FBXO42: variants seen among roughly 807,000 people sequenced by gnomAD.
The protein encoded by FBXO42 is F-box only protein 42.
FBXO42 carries 12 observed loss-of-function variants against 71.7 expected under a neutral mutation model. The ratio of observed to expected loss-of-function variants is 0.17; its 90% CI spans 0.11 to 0.27. The LOEUF is 0.27. Ranked by LOEUF, FBXO42 falls within the 10% of genes least tolerant of loss-of-function variation. The probability of loss-of-function intolerance (pLI) is 1.00; values close to 1 mark genes in which losing one functional copy is unlikely to be tolerated. For missense variants in FBXO42, 707 were observed against 911.9 expected (o/e 0.78, Z 2.89); for synonymous variants, 325 against 327.5 (o/e 0.99, Z 0.08).
At chr1:16,299,511 A>G (rs1373287091) in intron 3 of FBXO42, among the ~76,000 whole-genome samples, 2 of 152,214 alleles carry the variant, frequency 1.3e-5, no homozygotes, top group Non-Finnish European at 2.9e-5. Context: ...AGTTTCACAC[A>G]CTACTGTATT....
intron 4 of FBXO42, among the ~76,000 whole-genome samples, chr1:16,271,032 T>C (rs1356468463): frequency 6.6e-6 from 1 of 151,560 alleles, no homozygotes; most frequent in African/African-American, 2.4e-5. Flanking sequence ...GGGAGACATA[T>C]GAATAAAGAC....
chr1:16,313,043 C>T (rs2082328104), intron 2 of FBXO42, among the ~76,000 whole-genome samples: 1 of 152,064 alleles, frequency 6.6e-6, no homozygotes, highest in South Asian at 2.1e-4. Flanking sequence ...GATCCGCCCA[C>T]GTTGGCCTCC....
At chr1:16,280,768 A>T (rs1163277208) in intron 4 of FBXO42, among the ~76,000 whole-genome samples, 1 of 152,112 alleles carries the variant, frequency 6.6e-6, no homozygotes, top group Non-Finnish European at 1.5e-5. Context: ...AGTGAAACCC[A>T]GTCTCCAGAA....
chr1:16,350,166 T>C (rs535938718), intron 1 of FBXO42, among the ~76,000 whole-genome samples: 3 of 152,194 alleles, frequency 2.0e-5, no homozygotes, highest in Admixed American at 6.6e-5. Context: ...AGGTAAGGAA[T>C]TGCAAAGGTC....
rs2081601939 is a variant in FBXO42 at position 16,252,371 on chromosome 1, A to G, written c.955T>C (p.Ser319Pro). 1 of 1,614,088 alleles carries G rather than the reference A, an allele frequency of 6.2e-7. No homozygotes were observed. Among genetic ancestry groups the G allele is most frequent in the South Asian group, 1.1e-5 (1 of 91,084 alleles). Residue 319 changes from serine to proline, a missense_variant, in exon 9 of 10, where the codon TCT becomes CCT. Coordinates refer to ENST00000375592, the MANE Select transcript of FBXO42 (RefSeq NM_018994.3). This position sits in a 1 kb window ranked among gnomAD's most constrained non-coding sequence, Gnocchi z 4.4. ...FKDAWLLHMH[S>P]GPWAWQPLKV... ...AGTGGCTGCCAGGCCCAAGGACCAG[A>G]ATGCATGTGCAACAACCAAGCATCC...
chr1:16,351,172 A>G lies in FBXO42; in HGVS notation c.-18+1083T>C, dbSNP rs150042551. On this transcript the variant is annotated intron_variant, in intron 1 of 9. Transcript: ENST00000375592. ...TACAAAAGATATTTTGGTGTGTCCA[A>G]GCAAAAGCAATCGCCTCAACAATTC... 2.7e-3 allele frequency among the ~76,000 whole-genome samples: 412 copies of G among 152,340 alleles called. 1 individual carries two copies. Among genetic ancestry groups the G allele is most frequent in the Non-Finnish European group, 4.1e-3 (281 of 68,022 alleles).
At chr1:16,330,733 G>A (rs1165624084) in intron 1 of FBXO42, among the ~76,000 whole-genome samples, 1 of 151,940 alleles carries the variant, frequency 6.6e-6, no homozygotes, top group Non-Finnish European at 1.5e-5. Context: ...CTGAGGTCAG[G>A]AGTTTGAGAC....
chr1:16,338,333 AAC>A (rs1372840118), intron 1 of FBXO42, among the ~76,000 whole-genome samples: 1 of 145,988 alleles, frequency 6.8e-6, no homozygotes, highest in African/African-American at 2.5e-5. Context: ...TAGCCTGAGG[AAC>A]AGAGTATGGC....
rs2081541587 is a variant in FBXO42 at position 16,247,092 on chromosome 1, G to A, written c.*3578C>T. ...TGACATGAACCCTGGTTGGAGGGAG[G>A]GGAGCAGAGCAAGTAGAGTGTACAA... is the stretch of plus-strand genomic sequence containing the variant. On this transcript the variant is annotated 3_prime_UTR_variant, in exon 10 of 10. Transcript: ENST00000375592. The A allele has an allele frequency of 6.6e-6, 1 of 152,236 alleles. No homozygotes were observed. Among genetic ancestry groups the A allele is most frequent in the Non-Finnish European group, 1.5e-5 (1 of 68,062 alleles). 9.4% of individuals were successfully genotyped at this position (152,236 alleles called of 1,614,324 possible).
At chr1:16,270,140 G>A (rs1165105469) in intron 4 of FBXO42, among the ~76,000 whole-genome samples, 1 of 152,146 alleles carries the variant, frequency 6.6e-6, no homozygotes, top group Non-Finnish European at 1.5e-5. Context: ...ACAGGTGTGA[G>A]CCACCACGCC....
At chr1:16,309,057 C>CTTTTTTTT (rs58594138) in intron 2 of FBXO42, among the ~76,000 whole-genome samples, 1 of 38,688 alleles carries the variant, frequency 2.6e-5, no homozygotes, top group Non-Finnish European at 4.2e-5. Context: ...GACCCCATCT[C>CTTTTTTTT]TTTTTTTTTT....
At chr1:16,320,360 CAA>C (rs35441053) in intron 1 of FBXO42, among the ~76,000 whole-genome samples, 3 of 113,476 alleles carry the variant, frequency 2.6e-5, no homozygotes, top group Admixed American at 1.0e-4. Flanking sequence ...AACTCCATGT[CAA>C]AAAAAAAAAA....
intron 1 of FBXO42, among the ~76,000 whole-genome samples, chr1:16,322,498 C>A (rs1299766534): frequency 6.6e-6 from 1 of 152,156 alleles, no homozygotes; most frequent in Non-Finnish European, 1.5e-5. Context: ...ATTGCTTGAA[C>A]CTGGGAGGCG....
intron 4 of FBXO42, among the ~76,000 whole-genome samples, chr1:16,273,503 G>T (rs1032735024): frequency 6.6e-6 from 1 of 151,464 alleles, no homozygotes; most frequent in Non-Finnish European, 1.5e-5. Context: ...TATATCCACT[G>T]AAAAGTACAA....
intron 1 of FBXO42, among the ~76,000 whole-genome samples, chr1:16,326,040 G>GTGTGTGTGTGTGTGTGTGTGTC (rs766515532): frequency 1.5e-4 from 22 of 150,268 alleles, no homozygotes; most frequent in Non-Finnish European, 2.5e-4. Context: ...GTGTGTGTGT[G>GTGTGTGTGTGTGTGTGTGTGTC]TGTGTGTGTC....
chr1:16,279,024 G>A (rs1197893428), intron 4 of FBXO42, among the ~76,000 whole-genome samples: 1 of 151,992 alleles, frequency 6.6e-6, no homozygotes. Flanking sequence ...GATCTGCCTG[G>A]GTCGGCCTCC....
intron 3 of FBXO42, among the ~76,000 whole-genome samples, chr1:16,297,263 C>T (rs1291015358): frequency 6.6e-6 from 1 of 151,938 alleles, no homozygotes; most frequent in Non-Finnish European, 1.5e-5. Context: ...CTTTTATTTT[C>T]CCTTAATTCA....
chr1:16,271,643 A>T (rs1017741196), intron 4 of FBXO42, among the ~76,000 whole-genome samples: 3 of 152,022 alleles, frequency 2.0e-5, no homozygotes. Context: ...GCTCAGGAAC[A>T]CCCAACCTAT....
At chr1:16,340,845 C>G (rs557659452) in intron 1 of FBXO42, among the ~76,000 whole-genome samples, 14 of 152,098 alleles carry the variant, frequency 9.2e-5, no homozygotes, top group Non-Finnish European at 2.1e-4. Context: ...AAAGTGAGGT[C>G]AGAAAACCTA....
Sources: allele counts gnomAD v4.1 joint callset (sites outside exome capture counted in the v4.1 genomes callset), GRCh38; gene constraint gnomAD v4.1.1; non-coding constraint Gnocchi (gnomAD v3.1); transcripts MANE v1.5; gene names NCBI Gene and HGNC (gene_info 2026-07-23, HGNC 2026-07-21).